Variants in SMIM36 observed in about 807,000 individuals in gnomAD.
SMIM36 encodes the protein small integral membrane protein 36.
chr17:55,487,611 A>C (rs1909629793), intron 1 of SMIM36, among the ~76,000 whole-genome samples: 1 of 152,122 alleles, frequency 6.6e-6, no homozygotes, highest in Non-Finnish European at 1.5e-5. Context: ...GCAACAAATG[A>C]AGCTTGAATA....
At chr17:55,523,805 C>T in the SMIM36 span, among the ~76,000 whole-genome samples, 1 of 152,028 alleles carries the variant, frequency 6.6e-6, no homozygotes, top group African/African-American at 2.4e-5. Context: ...TTATATGAAG[C>T]CGAATGGAAA....
chr17:55,490,969 A>G (rs1050942978), intron 1 of SMIM36, among the ~76,000 whole-genome samples: 1 of 152,034 alleles, frequency 6.6e-6, no homozygotes, highest in African/African-American at 2.4e-5. Flanking sequence ...GAAAAATACA[A>G]TCAGGCTGGG....
chr17:55,454,816 C>T (rs565534584), intron 4 of SMIM36, among the ~76,000 whole-genome samples: 64 of 152,278 alleles, frequency 4.2e-4, no homozygotes, highest in African/African-American at 1.4e-3. Flanking sequence ...AAAATCTTCA[C>T]GATGCATCAT....
At chr17:55,491,835 C>A (rs994275212) in intron 1 of SMIM36, among the ~76,000 whole-genome samples, 1 of 152,172 alleles carries the variant, frequency 6.6e-6, no homozygotes, top group African/African-American at 2.4e-5. Context: ...TCTGGCTCAG[C>A]CACTTTTCTT....
intron 1 of SMIM36, among the ~76,000 whole-genome samples, chr17:55,509,209 A>AAGAGGAAG (rs1910138964): frequency 2.0e-5 from 3 of 152,288 alleles, no homozygotes; most frequent in South Asian, 4.1e-4. Flanking sequence ...CCTCCTCTTC[A>AAGAGGAAG]GTTTTCTACA....
chr17:55,466,123 CA>C (rs1234074056), intron 4 of SMIM36, among the ~76,000 whole-genome samples: 4 of 151,528 alleles, frequency 2.6e-5, no homozygotes, highest in Middle Eastern at 3.4e-3. Context: ...ACTAAAAATG[CA>C]AAATTAGCCT....
the SMIM36 span, among the ~76,000 whole-genome samples, chr17:55,517,114 A>T: frequency 2.0e-5 from 3 of 152,210 alleles, no homozygotes; most frequent in African/African-American, 4.8e-5. Flanking sequence ...GAATGGCAAT[A>T]TGCTGGAATA....
chr17:55,512,271 A>C (rs1910194614), upstream of SMIM36, among the ~76,000 whole-genome samples: 1 of 152,214 alleles, frequency 6.6e-6, no homozygotes, highest in African/African-American at 2.4e-5. Context: ...AATTGCAAGC[A>C]CTGAAACAAG....
At chr17:55,475,148 C>G (rs1385317707) in intron 3 of SMIM36, among the ~76,000 whole-genome samples, 1 of 152,152 alleles carries the variant, frequency 6.6e-6, no homozygotes, top group East Asian at 1.9e-4. Flanking sequence ...TCCCTACTAT[C>G]TTCTGTCTCG....
chr17:55,483,534 G>A (rs976488894), intron 1 of SMIM36, among the ~76,000 whole-genome samples: 1 of 152,166 alleles, frequency 6.6e-6, no homozygotes, highest in Non-Finnish European at 1.5e-5. Context: ...CTTAAGAGAC[G>A]AGGACTGAGG....
the SMIM36 span, among the ~76,000 whole-genome samples, chr17:55,518,000 AG>A: frequency 1.3e-5 from 2 of 152,222 alleles, no homozygotes; most frequent in Admixed American, 6.5e-5. Context: ...GAGGAAAATC[AG>A]AAGCACTTAG....
At chr17:55,457,613 G>A (rs35686442) in intron 4 of SMIM36, among the ~76,000 whole-genome samples, 78,613 of 151,156 alleles carry the variant, frequency 0.52, 22,679 homozygotes, top group Non-Finnish European at 0.66. Flanking sequence ...TGCAACCTCC[G>A]CCTCCCGGGT....
the SMIM36 span, among the ~76,000 whole-genome samples, chr17:55,532,097 TTA>T: frequency 6.6e-6 from 1 of 152,252 alleles, no homozygotes; most frequent in South Asian, 2.1e-4. Context: ...TTATGCCCCG[TTA>T]TGCTTCCTAA....
intron 3 of SMIM36, among the ~76,000 whole-genome samples, chr17:55,470,218 G>A (rs1909319725): frequency 6.6e-6 from 1 of 152,078 alleles, no homozygotes; most frequent in Admixed American, 6.5e-5. Context: ...CTGGAACTCT[G>A]GCCCAAGACT....
intron 1 of SMIM36, among the ~76,000 whole-genome samples, chr17:55,491,952 G>A (rs1047222890): frequency 1.2e-4 from 18 of 152,046 alleles, no homozygotes; most frequent in African/African-American, 4.3e-4. Context: ...GAGGTCAGTA[G>A]ATCGAGACCA....
At chr17:55,512,728 C>A (rs1421007859), upstream of SMIM36, among the ~76,000 whole-genome samples, 1 of 152,228 alleles carries the variant, frequency 6.6e-6, no homozygotes, top group Non-Finnish European at 1.5e-5. Context: ...TGCACTGGGA[C>A]CCACAAATTA....
intron 1 of SMIM36, among the ~76,000 whole-genome samples, chr17:55,492,430 G>A (rs181513067): frequency 9.4e-4 from 142 of 151,326 alleles, no homozygotes; most frequent in Middle Eastern, 3.4e-3. Flanking sequence ...TATTTTAGTA[G>A]AGATGGGGTT....
intron 1 of SMIM36, among the ~76,000 whole-genome samples, chr17:55,498,999 C>CAAAAA (rs60117513): frequency 2.7e-4 from 18 of 67,022 alleles, no homozygotes; most frequent in Non-Finnish European, 3.9e-4. Context: ...ACTCTGTCAC[C>CAAAAA]AAAAAAAAAA....
upstream of SMIM36, among the ~76,000 whole-genome samples, chr17:55,515,924 C>A (rs1910268395): frequency 6.6e-6 from 1 of 152,234 alleles, no homozygotes; most frequent in African/African-American, 2.4e-5. Flanking sequence ...GTATACCAAG[C>A]TCTTTTAGAT....
Sources: allele counts gnomAD v4.1 joint callset (sites outside exome capture counted in the v4.1 genomes callset), GRCh38; gene constraint gnomAD v4.1.1; transcripts MANE v1.5; gene names NCBI Gene and HGNC (gene_info 2026-07-23, HGNC 2026-07-21).